MB21D2: variants seen among roughly 807,000 people sequenced by gnomAD.
The protein encoded by MB21D2 is nucleotidyltransferase MB21D2.
Under a neutral mutation model 33.3 loss-of-function variants are expected in MB21D2, and 9 were observed. The observed-to-expected ratio is 0.27, with a 90% CI of 0.16 to 0.47. The LOEUF (loss-of-function observed/expected upper bound fraction) is 0.47, where lower values mean the gene tolerates loss of function less well. Ranked by LOEUF, MB21D2 falls within the 20% of genes least tolerant of loss-of-function variation. The pLI is 0.99. For missense variants in MB21D2, 540 were observed against 624.6 expected (o/e 0.86, Z 1.44); for synonymous variants, 241 against 236.3 (o/e 1.02, Z -0.18).
chr3:192,876,908 T>C (rs1190822301), intron 1 of MB21D2, among the ~76,000 whole-genome samples: 1 of 152,200 alleles, frequency 6.6e-6, no homozygotes, highest in East Asian at 1.9e-4. Flanking sequence ...TGGCACCCGC[T>C]ATTTAATACC....
intron 1 of MB21D2, among the ~76,000 whole-genome samples, chr3:192,916,130 T>C (rs1394507966): frequency 7.0e-6 from 1 of 143,724 alleles, no homozygotes; most frequent in Non-Finnish European, 1.5e-5. Flanking sequence ...ATTTAATTCA[T>C]CTATTCATCT....
At chr3:192,805,842 G>C (rs985473381) in intron 1 of MB21D2, among the ~76,000 whole-genome samples, 2 of 152,204 alleles carry the variant, frequency 1.3e-5, no homozygotes, top group Non-Finnish European at 2.9e-5. Flanking sequence ...TTCCCCATAT[G>C]TTCTTCCCTT....
intron 1 of MB21D2, among the ~76,000 whole-genome samples, chr3:192,872,862 T>C (rs2108638729): frequency 6.6e-6 from 1 of 152,262 alleles, no homozygotes; most frequent in African/African-American, 2.4e-5. Flanking sequence ...ACACACACAT[T>C]AGGGGTGCCA....
At chr3:192,884,428 G>T (rs775028045) in intron 1 of MB21D2, among the ~76,000 whole-genome samples, 1 of 151,708 alleles carries the variant, frequency 6.6e-6, no homozygotes, top group African/African-American at 2.4e-5. Context: ...GTGCAGTGGC[G>T]CGATCTAGGC....
chr3:192,902,270 C>A (rs921403690), intron 1 of MB21D2, among the ~76,000 whole-genome samples: 1 of 152,172 alleles, frequency 6.6e-6, no homozygotes, highest in African/African-American at 2.4e-5. Flanking sequence ...TGTGTGGCAC[C>A]ACCCCACGTT....
chr3:192,882,237 T>C (rs1001196809), intron 1 of MB21D2, among the ~76,000 whole-genome samples: 3 of 152,034 alleles, frequency 2.0e-5, no homozygotes, highest in African/African-American at 7.3e-5. Context: ...GCGATTCTCC[T>C]GCTAATTTTG....
intron 1 of MB21D2, among the ~76,000 whole-genome samples, chr3:192,854,103 T>C (rs1712868219): frequency 6.6e-6 from 1 of 152,210 alleles, no homozygotes; most frequent in African/African-American, 2.4e-5. Context: ...CACATGTCCT[T>C]CACCCTAAGT....
At chr3:192,889,053 C>T (rs1300936128) in intron 1 of MB21D2, among the ~76,000 whole-genome samples, 1 of 152,052 alleles carries the variant, frequency 6.6e-6, no homozygotes, top group African/African-American at 2.4e-5. Context: ...TGGAAAGAAC[C>T]CACCCAAGTC....
intron 1 of MB21D2, among the ~76,000 whole-genome samples, chr3:192,840,978 G>A (rs1295005895): frequency 1.3e-5 from 2 of 152,232 alleles, no homozygotes; most frequent in African/African-American, 4.8e-5. Context: ...ATAGTGGACA[G>A]AACATGGGTT....
intron 1 of MB21D2, among the ~76,000 whole-genome samples, chr3:192,878,889 G>T (rs138067938): frequency 6.6e-5 from 10 of 152,198 alleles, no homozygotes; most frequent in African/African-American, 2.2e-4. Context: ...GCTTGAACCC[G>T]GGATGTGGGG....
At chr3:192,808,367 T>A (rs1036233549) in intron 1 of MB21D2, among the ~76,000 whole-genome samples, 6 of 151,610 alleles carry the variant, frequency 4.0e-5, no homozygotes, top group African/African-American at 1.2e-4. Context: ...AGAAGAGGAG[T>A]GAAAATTATT....
At chr3:192,811,152 T>C (rs150562477) in intron 1 of MB21D2, among the ~76,000 whole-genome samples, 1 of 152,292 alleles carries the variant, frequency 6.6e-6, no homozygotes, top group East Asian at 1.9e-4. Flanking sequence ...AGTAGATAAA[T>C]GCCCTAGCTT....
At chr3:192,834,086 T>C (rs770068859) in intron 1 of MB21D2, among the ~76,000 whole-genome samples, 58 of 152,132 alleles carry the variant, frequency 3.8e-4, no homozygotes, top group Non-Finnish European at 7.2e-4. Context: ...ACATGGCAGG[T>C]ACTCTGCCAA....
chr3:192,899,307 T>C (rs928252707), intron 1 of MB21D2, among the ~76,000 whole-genome samples: 1 of 152,082 alleles, frequency 6.6e-6, no homozygotes, highest in Non-Finnish European at 1.5e-5. Flanking sequence ...GGTGGGCGGA[T>C]CACTTGAGGT....
intron 1 of MB21D2, among the ~76,000 whole-genome samples, chr3:192,847,385 G>A (rs1054665520): frequency 1.5e-4 from 23 of 152,040 alleles, no homozygotes; most frequent in African/African-American, 5.6e-4. Flanking sequence ...AAAGAGAATG[G>A]GCTCTTCAGC....
intron 1 of MB21D2, among the ~76,000 whole-genome samples, chr3:192,896,629 C>T (rs1272408263): frequency 1.3e-5 from 2 of 152,184 alleles, no homozygotes; most frequent in African/African-American, 4.8e-5. Flanking sequence ...TAACACAGAA[C>T]CACAAATTTT....
At chr3:192,892,218 C>T (rs1363661463) in intron 1 of MB21D2, among the ~76,000 whole-genome samples, 1 of 152,190 alleles carries the variant, frequency 6.6e-6, no homozygotes, top group Non-Finnish European at 1.5e-5. Context: ...ATCTTCAGCT[C>T]CCAACGTGCT....
chr3:192,896,060 T>A (rs1274546781), intron 1 of MB21D2, among the ~76,000 whole-genome samples: 6 of 152,226 alleles, frequency 3.9e-5, no homozygotes, highest in African/African-American at 1.4e-4. Context: ...AGCAGTTTTA[T>A]GTACTCCGCT....
intron 1 of MB21D2, among the ~76,000 whole-genome samples, chr3:192,869,411 T>A (rs989851981): frequency 4.6e-5 from 7 of 151,806 alleles, no homozygotes; most frequent in Admixed American, 4.6e-4. Context: ...GCTTGAGTAG[T>A]GGAGGAGACT....
Sources: gnomAD v4.1 joint callset for allele counts (sites outside exome capture counted in the v4.1 genomes callset) on GRCh38, gnomAD v4.1.1 for gene constraint, MANE v1.5 for transcripts, NCBI Gene and HGNC (gene_info 2026-07-23, HGNC 2026-07-21) for gene names.